The following FAT3 variants were observed in gnomAD, a reference collection of about 807,000 sequenced individuals.
FAT3 encodes the protein FAT atypical cadherin 3, also known as protocadherin Fat 3.
FAT3 carries 95 observed loss-of-function variants against 310.2 expected under a neutral mutation model. The observed-to-expected ratio is 0.31, with a 90% CI of 0.26 to 0.36. The LOEUF (loss-of-function observed/expected upper bound fraction) is 0.36, where lower values mean the gene tolerates loss of function less well. Among genes scored for constraint, FAT3 ranks in the 10% least tolerant of loss-of-function variants. The probability of loss-of-function intolerance (pLI) is 1.00; values close to 1 mark genes in which losing one functional copy is unlikely to be tolerated. For missense variants in FAT3, 5,408 were observed against 5,715.6 expected (o/e 0.95, Z 1.74); for synonymous variants, 2,314 against 2,192.9 (o/e 1.06, Z -1.54).
intron 7 of FAT3, among the ~76,000 whole-genome samples, chr11:92,778,030 A>G (rs567631265): frequency 3.3e-5 from 5 of 151,992 alleles, no homozygotes; most frequent in African/African-American, 9.6e-5. Context: ...CTGCATCCCC[A>G]TCCTTTAGTG....
At chr11:92,345,442 G>A (rs1163723593) in intron 1 of FAT3, among the ~76,000 whole-genome samples, 1 of 152,118 alleles carries the variant, frequency 6.6e-6, no homozygotes, top group Admixed American at 6.5e-5. Context: ...TTCTCAAAGT[G>A]GGGTCCCAGG....
At chr11:92,834,426 G>C (rs952306254) in intron 14 of FAT3, among the ~76,000 whole-genome samples, 4 of 152,194 alleles carry the variant, frequency 2.6e-5, no homozygotes, top group Admixed American at 2.0e-4. Flanking sequence ...ATTCAATTCA[G>C]TGAAGTCTGC....
chr11:92,266,920 A>G (rs930740630), intron 1 of FAT3, among the ~76,000 whole-genome samples: 1 of 152,098 alleles, frequency 6.6e-6, no homozygotes, highest in African/African-American at 2.4e-5. Flanking sequence ...ATGGAGTTAC[A>G]TTCTGTGAGC....
chr11:92,660,850 C>T (rs529811471), intron 3 of FAT3, among the ~76,000 whole-genome samples: 2 of 152,260 alleles, frequency 1.3e-5, no homozygotes, highest in East Asian at 3.9e-4. Flanking sequence ...TCTCTACAAT[C>T]ATAAGCACAT....
chr11:92,566,051 G>T (rs1354828628), intron 3 of FAT3, among the ~76,000 whole-genome samples: 1 of 152,162 alleles, frequency 6.6e-6, no homozygotes, highest in Non-Finnish European at 1.5e-5. Context: ...ATAGGCAGGA[G>T]AAGGAAATAA....
intron 1 of FAT3, among the ~76,000 whole-genome samples, chr11:92,226,312 A>G (rs1224556238): frequency 6.6e-6 from 1 of 152,006 alleles, no homozygotes; most frequent in African/African-American, 2.4e-5. Flanking sequence ...GACTTTTGTC[A>G]CATGTGCTTT....
chr11:92,795,360 T>C (rs1947141286), intron 9 of FAT3, among the ~76,000 whole-genome samples: 1 of 151,964 alleles, frequency 6.6e-6, no homozygotes. Context: ...AGATAAGGAA[T>C]GATAAGAAAA....
At chr11:92,411,768 T>C (rs1950275004) in intron 2 of FAT3, among the ~76,000 whole-genome samples, 1 of 152,066 alleles carries the variant, frequency 6.6e-6, no homozygotes, top group South Asian at 2.1e-4. Flanking sequence ...TGAATCTAAA[T>C]TCATCGTGTC....
intron 2 of FAT3, among the ~76,000 whole-genome samples, chr11:92,419,385 G>A (rs573450636): frequency 6.6e-6 from 1 of 152,182 alleles, no homozygotes; most frequent in Non-Finnish European, 1.5e-5. Context: ...CTTGTAATAG[G>A]TTGCAGGTGA....
intron 2 of FAT3, among the ~76,000 whole-genome samples, chr11:92,402,672 C>T (rs1321275842): frequency 6.6e-6 from 1 of 150,656 alleles, no homozygotes; most frequent in African/African-American, 2.4e-5. Flanking sequence ...GTTGAGATGG[C>T]AGATAGCTGA....
At chr11:92,561,837 G>A (rs938983309) in intron 3 of FAT3, among the ~76,000 whole-genome samples, 1 of 151,844 alleles carries the variant, frequency 6.6e-6, no homozygotes, top group Non-Finnish European at 1.5e-5. Flanking sequence ...TGTTGGCCAC[G>A]CTGATCTCGA....
chr11:92,563,997 G>A (rs1955336196), intron 3 of FAT3, among the ~76,000 whole-genome samples: 2 of 151,344 alleles, frequency 1.3e-5, no homozygotes, highest in South Asian at 4.2e-4. Flanking sequence ...AAAATAACCA[G>A]CTAACATCAT....
At chr11:92,738,167 A>G (rs1296980429) in intron 4 of FAT3, among the ~76,000 whole-genome samples, 1 of 152,174 alleles carries the variant, frequency 6.6e-6, no homozygotes, top group Admixed American at 6.6e-5. Context: ...ATACAAATAC[A>G]TCATCACTCC....
intron 2 of FAT3, among the ~76,000 whole-genome samples, chr11:92,435,468 A>ATCCCTTCCTTCCTTCCT (rs753940306): frequency 9.3e-6 from 1 of 107,986 alleles, no homozygotes; most frequent in Non-Finnish European, 2.0e-5. Context: ...TCTTTTATTT[A>ATCCCTTCCTTCCTTCCT]TCCTTCCTTC....
chr11:92,753,626 T>C (rs2136060222), intron 4 of FAT3, among the ~76,000 whole-genome samples: 1 of 152,162 alleles, frequency 6.6e-6, no homozygotes, highest in African/African-American at 2.4e-5. Context: ...CAGTGTAAAT[T>C]AGGACAGCCA....
chr11:92,800,916 A>G lies in FAT3; in HGVS notation c.7903A>G (p.Ile2635Val), dbSNP rs781178986. Residue 2635 changes from isoleucine to valine, a missense_variant, in exon 10 of 28, where the codon ATT (isoleucine) becomes GTT (valine). Transcript: ENST00000525166. ...IDPDDGANSR[I>V]TYSLYSEASV... The stretch of plus-strand genomic sequence containing the variant: ...TCCCGATGATGGAGCAAATTCAAGG[A>G]TTACTTATTCCCTCTATAGCGAGGC... The G allele has an allele frequency of 1.1e-5, 18 of 1,612,796 alleles. No individual in the cohort carries two copies. The South Asian group carries it at 1.8e-4, about 16-fold the overall frequency.
chr11:92,662,183 C>G (rs759986364), intron 3 of FAT3, among the ~76,000 whole-genome samples: 14 of 152,152 alleles, frequency 9.2e-5, no homozygotes, highest in Non-Finnish European at 1.5e-4. Flanking sequence ...AGTACTGTGT[C>G]AGCTAATGTG....
At chr11:92,628,136 G>A (rs1334627550) in intron 3 of FAT3, among the ~76,000 whole-genome samples, 12 of 152,188 alleles carry the variant, frequency 7.9e-5, no homozygotes, top group Admixed American at 7.2e-4. Context: ...GGCCATGAGC[G>A]ACAGGGCCTT....
intron 2 of FAT3, among the ~76,000 whole-genome samples, chr11:92,404,895 C>G (rs555769197): frequency 1.3e-5 from 2 of 152,048 alleles, no homozygotes; most frequent in East Asian, 3.9e-4. Flanking sequence ...CACAGATGCT[C>G]CCGGTTCTTG....
Sources: allele counts gnomAD v4.1 joint callset (sites outside exome capture counted in the v4.1 genomes callset), GRCh38; gene constraint gnomAD v4.1.1; transcripts MANE v1.5; gene names NCBI Gene and HGNC (gene_info 2026-07-23, HGNC 2026-07-21).